PKHD1L1: variants seen among roughly 807,000 people sequenced by gnomAD.
PKHD1L1 encodes the protein fibrocystin-L.
Under a neutral mutation model 462.9 loss-of-function variants are expected in PKHD1L1, and 434 were observed. That is an observed-to-expected ratio of 0.94 (90% CI 0.87 to 1.02). PKHD1L1 has a LOEUF of 1.02. Among genes scored for constraint, PKHD1L1 ranks in the 50% least tolerant of loss-of-function variants. PKHD1L1 has a pLI of 0.00. For missense variants in PKHD1L1, 5,202 were observed against 5,096.1 expected, an observed-to-expected ratio of 1.02 and a Z score of -0.63; for synonymous variants, 1,781 against 1,750.0, an observed-to-expected ratio of 1.02 and a Z score of -0.44.
intron 27 of PKHD1L1, among the ~76,000 whole-genome samples, chr8:109,432,420 G>A (rs1483655237): frequency 6.6e-6 from 1 of 151,828 alleles, no homozygotes; most frequent in Non-Finnish European, 1.5e-5. Flanking sequence ...TTTGTTCTTA[G>A]CTATTTGAAT....
chr8:109,438,466 T>C lies in PKHD1L1; in HGVS notation c.3760+10T>C. Reference sequence around the variant, plus strand: ...GTACGAACAATACTAGGTAAGAAATTCTTCAATAAGATTGGTCATTTGTCC... The same window carrying C: ...GTACGAACAATACTAGGTAAGAAATCCTTCAATAAGATTGGTCATTTGTCC... On this transcript the variant is annotated intron_variant, in intron 31 of 77. Transcript: ENST00000378402. 6.5e-7 allele frequency: 1 copy of C among 1,530,418 alleles called. No individual in the cohort carries two copies. Among genetic ancestry groups the C allele is most frequent in the Non-Finnish European group, 8.8e-7 (1 of 1,137,630 alleles). 94.8% of individuals were successfully genotyped at this position (1,530,418 alleles called of 1,614,324 possible). A position where few individuals can be genotyped will look rare whatever the true frequency, so the allele number is the denominator to read the frequency against.
intron 24 of PKHD1L1, among the ~76,000 whole-genome samples, chr8:109,426,743 T>C (rs13266293): frequency 0.3 from 45,145 of 152,040 alleles, 7,289 homozygotes; most frequent in Admixed American, 0.43. Flanking sequence ...ACCTCCGCCT[T>C]CCGGGTTCAA....
chr8:109,408,269 C>A, intron 18 of PKHD1L1, 63 bp downstream of exon 18: 1 of 1,382,512 alleles, frequency 7.2e-7, no homozygotes, highest in Non-Finnish European at 9.7e-7. Flanking sequence ...ATTCATGGGC[C>A]ATTTGTAGAC....
intron 22 of PKHD1L1, among the ~76,000 whole-genome samples, chr8:109,420,003 T>C (rs1248982632): frequency 6.6e-6 from 1 of 152,174 alleles, no homozygotes. Flanking sequence ...AGAACATGTA[T>C]AAGACAGATG....
rs1304473404 is a variant in PKHD1L1, at chr8:109,536,839, A to C, written c.*6749A>C. Among the ~76,000 whole-genome samples, 1 of 152,204 alleles carries C rather than the reference A, an allele frequency of 6.6e-6. No homozygotes were observed. ...GAGGAAAAATTTATTTAAATGCTTCATAGAAAGTTAATTTTCATTTAATAG... is the reference window on the plus strand; with the variant it reads ...GAGGAAAAATTTATTTAAATGCTTCCTAGAAAGTTAATTTTCATTTAATAG... On this transcript the variant is annotated 3_prime_UTR_variant, in exon 78 of 78. Transcript: ENST00000378402.
intron 76 of PKHD1L1, among the ~76,000 whole-genome samples, chr8:109,523,755 G>T (rs1820680284): frequency 6.6e-6 from 1 of 152,142 alleles, no homozygotes; most frequent in Non-Finnish European, 1.5e-5. Context: ...GTCTTAAGGA[G>T]GAGTTCAGAG....
Position 109,486,684 on chromosome 8 carries a change from A to G in PKHD1L1, c.9743A>G (p.Tyr3248Cys). 1 of 1,612,298 alleles carries G rather than the reference A, an allele frequency of 6.2e-7. No individual in the cohort carries two copies. The highest frequency in any genetic ancestry group is 8.5e-7 in the Non-Finnish European group (1 of 1,178,802). The change falls in exon 59 of 78, where the codon TAC (tyrosine) becomes TGC (cysteine). Residue 3248 changes from tyrosine to cysteine, a missense_variant. Coordinates refer to ENST00000378402, the MANE Select transcript of PKHD1L1 (RefSeq NM_177531.6). Reference sequence around the variant, plus strand: ...CATGTCCCTGGAACTGGTGAGAGCTACACGTTAGCAGCTGATGTTGGGATA... The same window carrying G: ...CATGTCCCTGGAACTGGTGAGAGCTGCACGTTAGCAGCTGATGTTGGGATA... Reference protein sequence around the residue: ...KYHVPGTGESYTLAADVGILS... With the variant: ...KYHVPGTGESCTLAADVGILS...
rs199719733 is a variant in PKHD1L1 at position 109,396,063 on chromosome 8, G to A, written c.848G>A (p.Arg283Gln). The A allele has an allele frequency of 2.1e-5, 33 of 1,607,558 alleles. No homozygotes were observed. Among genetic ancestry groups the A allele is most frequent in the Middle Eastern group, 1.7e-4 (1 of 6,058 alleles). The stretch of plus-strand genomic sequence containing the variant: ...ATTTTCCCTTCACAAGGAAGCATTC[G>A]AGGTGGCACCACGCTGACAATAAGT... ...TMIFPSQGSI[R>Q]GGTTLTISGR... is the part of the protein sequence containing the mutation. The change falls in exon 11 of 78, where the codon CGA (arginine) becomes CAA (glutamine). Residue 283 changes from arginine (R) to glutamine (Q), a missense_variant. Around this residue, in one of 3 missense-constraint regions of PKHD1L1, gnomAD observed 4,497 missense variants for 4,336.8 expected, o/e 1.04. Transcript: ENST00000378402.
At chr8:109,435,500 T>C in intron 29 of PKHD1L1, 146 bp downstream of exon 29, 2 of 845,224 alleles carry the variant, frequency 2.4e-6, no homozygotes, top group Non-Finnish European at 3.5e-6. Flanking sequence ...GGTACAGTGA[T>C]TAAATGGCTG....
At chr8:109,472,106 T>C (rs1817751908) in intron 50 of PKHD1L1, among the ~76,000 whole-genome samples, 1 of 152,134 alleles carries the variant, frequency 6.6e-6, no homozygotes, top group Admixed American at 6.6e-5. Flanking sequence ...AAAATAATGT[T>C]AGACTTGTGC....
At chr8:109,392,848 T>C (rs748033344) in intron 9 of PKHD1L1, among the ~76,000 whole-genome samples, 1 of 152,164 alleles carries the variant, frequency 6.6e-6, no homozygotes, top group Non-Finnish European at 1.5e-5. Context: ...GTATTTCTTT[T>C]AATAGCCAAC....
chr8:109,442,305 A>G, intron 35 of PKHD1L1, 110 bp downstream of exon 35: 1 of 1,064,294 alleles, frequency 9.4e-7, no homozygotes, highest in East Asian at 2.7e-5. Context: ...ATATACACAA[A>G]TGCGTAAGGT....
intron 30 of PKHD1L1, among the ~76,000 whole-genome samples, chr8:109,437,211 G>A (rs1815471887): frequency 1.3e-5 from 2 of 152,140 alleles, no homozygotes; most frequent in Admixed American, 1.3e-4. Context: ...ACCACGCCTG[G>A]CCAGGAATAC....
chr8:109,508,623 AC>A (rs1287484282), intron 70 of PKHD1L1, among the ~76,000 whole-genome samples: 1 of 152,172 alleles, frequency 6.6e-6, no homozygotes. Context: ...TCCAAAAAAT[AC>A]AATTGACCTA....
intron 18 of PKHD1L1, 27 bp downstream of exon 18, chr8:109,408,233 G>T (rs371584446): frequency 2.5e-6 from 4 of 1,593,960 alleles, no homozygotes; most frequent in South Asian, 2.3e-5. Context: ...TTTCTACCAC[G>T]CATTTTCCCT....
intron 60 of PKHD1L1, 62 bp from the exon 61 acceptor site, chr8:109,490,910 A>C: frequency 7.2e-7 from 1 of 1,394,810 alleles, no homozygotes; most frequent in Non-Finnish European, 9.6e-7. Flanking sequence ...ATTTACTTCA[A>C]TTTTTAAAAA....
At chr8:109,487,890 G>GGAAGGA (rs1554589552) in intron 59 of PKHD1L1, among the ~76,000 whole-genome samples, 4,453 of 69,244 alleles carry the variant, frequency 0.064, 240 homozygotes, top group East Asian at 0.095. Context: ...GAGAGAGAGA[G>GGAAGGA]AGGAAGGAAG....
chr8:109,394,331 G>A (rs1317988019), intron 9 of PKHD1L1, 84 bp from the exon 10 acceptor site: 1 of 810,584 alleles, frequency 1.2e-6, no homozygotes, highest in Non-Finnish European at 1.9e-6. Context: ...TGCAGATTAT[G>A]ACATAATTTC....
chr8:109,533,905 A>C lies in PKHD1L1; in HGVS notation c.*3815A>C, dbSNP rs1389636874. On this transcript the variant is annotated 3_prime_UTR_variant, in exon 78 of 78. Coordinates refer to ENST00000378402, the MANE Select transcript of PKHD1L1 (RefSeq NM_177531.6). Reference sequence around the variant, plus strand: ...AAGAATATTTTTATACCTCTTCCAGAACCCAGAGAGCTCAGCTGAAAGGAG... The same window carrying C: ...AAGAATATTTTTATACCTCTTCCAGCACCCAGAGAGCTCAGCTGAAAGGAG... 6.6e-6 allele frequency among the ~76,000 whole-genome samples: 1 copy of C among 152,236 alleles called. No homozygotes were observed. Among genetic ancestry groups the C allele is most frequent in the Non-Finnish European group, 1.5e-5 (1 of 68,034 alleles).
Sources: gnomAD v4.1 joint callset for allele counts (sites outside exome capture counted in the v4.1 genomes callset) on GRCh38, gnomAD v4.1.1 for gene constraint, gnomAD v4.1.1 regional missense constraint, MANE v1.5 for transcripts, NCBI Gene and HGNC (gene_info 2026-07-23, HGNC 2026-07-21) for gene names.